Variants in ATP8A2 observed in about 807,000 individuals in gnomAD.
ATP8A2 encodes the protein ATPase phospholipid transporting 8A2, also known as phospholipid-transporting ATPase IB.
In ATP8A2, 100 loss-of-function variants were observed where a neutral mutation model predicts 165.6. The observed-to-expected ratio is 0.60, with a 90% CI of 0.51 to 0.71. The LOEUF (loss-of-function observed/expected upper bound fraction) is 0.71. Among genes scored for constraint, ATP8A2 ranks in the 30% least tolerant of loss-of-function variants. The probability of loss-of-function intolerance (pLI) is 0.00; values close to 1 mark genes in which losing one functional copy is unlikely to be tolerated. For synonymous variants in ATP8A2, 543 were observed against 548.8 expected (o/e 0.99, Z 0.15); for missense variants, 1,227 against 1,479.5 (o/e 0.83, Z 2.80).
chr13:25,435,651 T>C (rs1343977798), intron 1 of ATP8A2, among the ~76,000 whole-genome samples: 1 of 152,164 alleles, frequency 6.6e-6, no homozygotes, highest in African/African-American at 2.4e-5. Context: ...TCTTTTTCTT[T>C]TCTTTCTTTT....
chr13:25,634,561 T>G (rs2041324178), intron 24 of ATP8A2, among the ~76,000 whole-genome samples: 1 of 152,140 alleles, frequency 6.6e-6, no homozygotes, highest in Non-Finnish European at 1.5e-5. Flanking sequence ...ACTTACATGA[T>G]CTCTTAAGGC....
intron 27 of ATP8A2, among the ~76,000 whole-genome samples, chr13:25,789,282 T>C (rs2138394283): frequency 6.6e-6 from 1 of 152,334 alleles, no homozygotes; most frequent in East Asian, 1.9e-4. Context: ...AATTAACTTG[T>C]TTCGAATTTT....
At chr13:25,727,954 C>T (rs1179565499) in intron 25 of ATP8A2, among the ~76,000 whole-genome samples, 1 of 152,062 alleles carries the variant, frequency 6.6e-6, no homozygotes, top group Non-Finnish European at 1.5e-5. Context: ...TGTGGCTCAC[C>T]AGGTAGTCAC....
At chr13:25,994,563 A>G (rs1173822343) in intron 35 of ATP8A2, among the ~76,000 whole-genome samples, 1 of 152,010 alleles carries the variant, frequency 6.6e-6, no homozygotes, top group Non-Finnish European at 1.5e-5. Context: ...TTAATTTGCT[A>G]AGAGATTTTT....
At chr13:25,591,418 T>A (rs1247859475) in intron 24 of ATP8A2, 2 of 455,234 alleles carry the variant, frequency 4.4e-6, no homozygotes, top group Non-Finnish European at 8.8e-6. Context: ...TTGTGATTTT[T>A]ATGACTAGCT....
chr13:25,884,449 C>T (rs1473012516), intron 33 of ATP8A2, among the ~76,000 whole-genome samples: 4 of 152,182 alleles, frequency 2.6e-5, no homozygotes, highest in East Asian at 3.9e-4. Context: ...CCACTTCTCG[C>T]GGGTGCCTTC....
At chr13:25,440,500 A>G (rs2034903595) in intron 1 of ATP8A2, among the ~76,000 whole-genome samples, 1 of 152,184 alleles carries the variant, frequency 6.6e-6, no homozygotes, top group African/African-American at 2.4e-5. Context: ...CCCCCAGATT[A>G]TCACAGGATC....
chr13:25,931,310 A>G (rs777319764), intron 33 of ATP8A2, among the ~76,000 whole-genome samples: 15 of 152,256 alleles, frequency 9.9e-5, no homozygotes, highest in Non-Finnish European at 1.9e-4. Context: ...CCTGGGTCCT[A>G]TCTCCAGGAT....
intron 25 of ATP8A2, among the ~76,000 whole-genome samples, chr13:25,706,454 G>T (rs1566065076): frequency 1.3e-5 from 2 of 152,166 alleles, no homozygotes; most frequent in African/African-American, 4.8e-5. Flanking sequence ...TCCTTCCCCA[G>T]CTTAGCTTTT....
intron 35 of ATP8A2, among the ~76,000 whole-genome samples, chr13:25,984,757 G>A (rs558394293): frequency 6.6e-5 from 10 of 152,334 alleles, no homozygotes; most frequent in African/African-American, 9.6e-5. Context: ...AGCCTCACTT[G>A]TGAGAACTAG....
intron 35 of ATP8A2, among the ~76,000 whole-genome samples, chr13:25,990,050 T>C (rs1225613742): frequency 6.6e-6 from 1 of 152,148 alleles, no homozygotes; most frequent in Non-Finnish European, 1.5e-5. Context: ...AGAAGCAGAA[T>C]CTCAGACATG....
chr13:25,488,418 G>A (rs954125610), intron 2 of ATP8A2, among the ~76,000 whole-genome samples: 1 of 152,092 alleles, frequency 6.6e-6, no homozygotes, highest in Non-Finnish European at 1.5e-5. Flanking sequence ...CTTATTGCTC[G>A]TTGATATAGT....
At chr13:25,484,660 G>A (rs1320411002) in intron 2 of ATP8A2, among the ~76,000 whole-genome samples, 4 of 151,972 alleles carry the variant, frequency 2.6e-5, no homozygotes, top group African/African-American at 7.3e-5. Flanking sequence ...GACTACAGGC[G>A]TTCACCAGCA....
intron 33 of ATP8A2, among the ~76,000 whole-genome samples, chr13:25,940,318 A>T (rs1170451351): frequency 6.6e-6 from 1 of 152,084 alleles, no homozygotes; most frequent in Admixed American, 6.5e-5. Flanking sequence ...TCTCCGAGTT[A>T]AGACCTGGCC....
At chr13:26,010,303 C>T (rs1373517345) in intron 35 of ATP8A2, among the ~76,000 whole-genome samples, 4 of 152,138 alleles carry the variant, frequency 2.6e-5, no homozygotes, top group African/African-American at 9.7e-5. Context: ...TTCTCATAAG[C>T]CCCATCATGA....
intron 24 of ATP8A2, among the ~76,000 whole-genome samples, chr13:25,654,228 CAG>C (rs138767350): frequency 0.68 from 103,836 of 151,720 alleles, 35,952 homozygotes; most frequent in Middle Eastern, 0.75. Context: ...GGTTTTTAGA[CAG>C]GGTCTCACTC....
chr13:25,696,700 C>T (rs2137896601), intron 24 of ATP8A2, among the ~76,000 whole-genome samples: 1 of 152,316 alleles, frequency 6.6e-6, no homozygotes, highest in East Asian at 1.9e-4. Flanking sequence ...CTGGATTAGG[C>T]TTTGATTTAA....
chr13:25,994,022 T>C (rs1956444418), intron 35 of ATP8A2, among the ~76,000 whole-genome samples: 1 of 152,220 alleles, frequency 6.6e-6, no homozygotes, highest in Non-Finnish European at 1.5e-5. Context: ...ATCAGCATTG[T>C]GTAGCTTTTA....
intron 14 of ATP8A2, among the ~76,000 whole-genome samples, chr13:25,559,370 T>C (rs185793418): frequency 2.0e-5 from 3 of 152,114 alleles, no homozygotes; most frequent in African/African-American, 4.8e-5. Context: ...TTGTCACTAC[T>C]AAACATACAA....
Sources: allele counts gnomAD v4.1 joint callset (sites outside exome capture counted in the v4.1 genomes callset), GRCh38; gene constraint gnomAD v4.1.1; transcripts MANE v1.5; gene names NCBI Gene and HGNC (gene_info 2026-07-23, HGNC 2026-07-21).